The following SGPP2 variants were observed in gnomAD, a reference collection of about 807,000 sequenced individuals.
SGPP2 encodes the protein sphingosine-1-phosphate phosphatase 2.
A neutral mutation model predicts 33.9 loss-of-function variants in SGPP2; 30 were observed. The observed-to-expected ratio is 0.89, with a 90% CI of 0.66 to 1.20. SGPP2 has a LOEUF of 1.20. Among genes scored for constraint, SGPP2 ranks in the 50% most tolerant of loss-of-function variants. SGPP2 has a pLI of 0.00. For missense variants in SGPP2, 458 were observed against 532.1 expected, an observed-to-expected ratio of 0.86 and a Z score of 1.37; for synonymous variants, 233 against 225.0, an observed-to-expected ratio of 1.04 and a Z score of -0.32.
intron 4 of SGPP2, among the ~76,000 whole-genome samples, chr2:222,552,627 G>A (rs1324270823): frequency 3.9e-5 from 6 of 152,118 alleles, no homozygotes; most frequent in Admixed American, 6.5e-5. Flanking sequence ...TTGGGAGGCC[G>A]AGGTGGGCGG....
At chr2:222,450,608 G>A (rs1263436000) in intron 1 of SGPP2, among the ~76,000 whole-genome samples, 4 of 152,170 alleles carry the variant, frequency 2.6e-5, no homozygotes, top group East Asian at 1.9e-4. Flanking sequence ...GGTGTGAATC[G>A]AATTGCTTAC....
At chr2:222,510,299 T>C (rs1173486086) in intron 2 of SGPP2, among the ~76,000 whole-genome samples, 2 of 152,080 alleles carry the variant, frequency 1.3e-5, no homozygotes, top group Non-Finnish European at 1.5e-5. Context: ...ACTGGTAAGC[T>C]GAGAAAAAAA....
intron 1 of SGPP2, among the ~76,000 whole-genome samples, chr2:222,430,420 T>G (rs1697136749): frequency 6.6e-6 from 1 of 152,218 alleles, no homozygotes; most frequent in Admixed American, 6.5e-5. Flanking sequence ...ACCTTAATTT[T>G]CTTAAAGAAC....
chr2:222,449,430 T>G (rs1331678154), intron 1 of SGPP2, among the ~76,000 whole-genome samples: 1 of 151,728 alleles, frequency 6.6e-6, no homozygotes, highest in Non-Finnish European at 1.5e-5. Flanking sequence ...GGAGAACACG[T>G]GCCCCATCCT....
Position 222,493,495 on chromosome 2 carries a change from G to T in SGPP2, c.378+18769G>T, listed in dbSNP as rs532114449. Among the ~76,000 whole-genome samples the T allele has an allele frequency of 8.6e-4, 131 of 152,264 alleles. 2 individuals are homozygous for T. In the South Asian group the frequency reaches 0.012, roughly 14 times the overall value. On this transcript the variant is annotated intron_variant, in intron 2 of 4. Coordinates refer to ENST00000321276, the MANE Select transcript of SGPP2 (RefSeq NM_152386.4). ...GGAATTACCATCCAAGATGAGATTT[G>T]AGTGAGGACAAAGGAGTCAAACCAT...
chr2:222,432,830 T>C (rs1697176868), intron 1 of SGPP2, among the ~76,000 whole-genome samples: 1 of 152,134 alleles, frequency 6.6e-6, no homozygotes, highest in Non-Finnish European at 1.5e-5. Context: ...GAGGCCAGAC[T>C]GACCAACATG....
intron 2 of SGPP2, among the ~76,000 whole-genome samples, chr2:222,487,672 G>A (rs1318164678): frequency 1.3e-5 from 2 of 152,096 alleles, no homozygotes; most frequent in Non-Finnish European, 2.9e-5. Flanking sequence ...TTTTATTAGG[G>A]GCTTTCACAG....
intron 2 of SGPP2, among the ~76,000 whole-genome samples, chr2:222,495,816 GAC>G: frequency 6.6e-6 from 1 of 152,218 alleles, no homozygotes; most frequent in East Asian, 1.9e-4. Context: ...CTGCCACCTT[GAC>G]TTGACCAAAC....
At chr2:222,439,536 A>T (rs1697294022) in intron 1 of SGPP2, among the ~76,000 whole-genome samples, 1 of 152,174 alleles carries the variant, frequency 6.6e-6, no homozygotes. Context: ...CATCTCCAAA[A>T]AAAAAGGAAA....
At position 222,468,121 on chromosome 2, in the gene SGPP2, G is replaced by A. The variant is rs115788015; in HGVS notation, c.220-6447G>A. Among the ~76,000 whole-genome samples the A allele has an allele frequency of 7.8e-3, 1,193 of 152,096 alleles. 23 individuals are homozygous for A. Among genetic ancestry groups the A allele is most frequent in the African/African-American group, 0.027 (1,106 of 41,488 alleles). On this transcript the variant is annotated intron_variant, in intron 1 of 4. Coordinates refer to ENST00000321276, the MANE Select transcript of SGPP2 (RefSeq NM_152386.4). ...TAATTACAGGAAGATGATATCTGGCGTCTGGAAGAGGTTGAGGTCCATGAT... is the reference window on the plus strand; with the variant it reads ...TAATTACAGGAAGATGATATCTGGCATCTGGAAGAGGTTGAGGTCCATGAT...
rs1689467771 is a variant in SGPP2, at chr2:222,558,777, A to T, written c.1079A>T (p.Asn360Ile). The change falls in exon 5 of 5, where the codon AAC becomes ATC. Residue 360 changes from asparagine to isoleucine, a missense_variant. By Grantham distance (149) the Asn-to-Ile change is moderately radical. Transcript: ENST00000321276. ...TCATGGTTCAAGGTGGTCACCAGGA[A>T]CAAGGAGGCCAGGCGGAGACTGGAG... ...LYSWFKVVTR[N>I]KEARRRLEIE... is the part of the protein sequence containing the mutation. 1 of 1,614,196 alleles carries T rather than the reference A, an allele frequency of 6.2e-7. No individual in the cohort carries two copies.
At chr2:222,553,115 G>A (rs1335143125) in intron 4 of SGPP2, among the ~76,000 whole-genome samples, 1 of 152,164 alleles carries the variant, frequency 6.6e-6, no homozygotes, top group African/African-American at 2.4e-5. Context: ...ATAGCAAAAG[G>A]CAATGCAAGA....
rs1689505341 is a variant in SGPP2, at chr2:222,559,858, G to C, written c.*960G>C. 1 of 152,318 alleles carries C rather than the reference G, an allele frequency of 6.6e-6. No individual in the cohort carries two copies. 9.4% of individuals were successfully genotyped at this position (152,318 alleles called of 1,614,324 possible). On this transcript the variant is annotated 3_prime_UTR_variant, in exon 5 of 5. Transcript: ENST00000321276. ...ATGAAAGGTGGAGGCAGAGCTGTGA[G>C]GTCATGGGGAAAAGCCTGCTTTCCT...
At chr2:222,525,490 C>T (rs571431188) in intron 4 of SGPP2, among the ~76,000 whole-genome samples, 3 of 152,302 alleles carry the variant, frequency 2.0e-5, no homozygotes, top group Admixed American at 6.5e-5. Flanking sequence ...CACGGCTTTG[C>T]TTCCTTCCAT....
intron 4 of SGPP2, among the ~76,000 whole-genome samples, chr2:222,552,935 T>C (rs1007991364): frequency 6.6e-6 from 1 of 152,020 alleles, no homozygotes; most frequent in African/African-American, 2.4e-5. Flanking sequence ...AATAAAACAT[T>C]AAAAAAGGAC....
intron 1 of SGPP2, among the ~76,000 whole-genome samples, chr2:222,425,772 T>A (rs1431667937): frequency 6.6e-6 from 1 of 152,178 alleles, no homozygotes; most frequent in Non-Finnish European, 1.5e-5. Context: ...AAGGTTTTGG[T>A]GAAAGAAAGG....
In SGPP2 at chr2:222,481,967, A is replaced by G. The variant is rs536597022; in HGVS notation, c.378+7241A>G. Among the ~76,000 whole-genome samples, 4 of 152,306 alleles carry G rather than the reference A, an allele frequency of 2.6e-5. No homozygotes were observed. The South Asian group carries it at 8.3e-4, about 32-fold the overall frequency. ...ATTATGGCTTTTCTGATTATGCTGA[A>G]GCTCTGGTTGTCCCTGAGAGTTTCC... On this transcript the variant is annotated intron_variant, in intron 2 of 4. Coordinates refer to ENST00000321276, the MANE Select transcript of SGPP2 (RefSeq NM_152386.4).
chr2:222,453,260 C>T (rs1190097264), intron 1 of SGPP2: 16 of 758,702 alleles, frequency 2.1e-5, no homozygotes, highest in Non-Finnish European at 3.7e-5. Flanking sequence ...TGCTTTGAAG[C>T]CAGGCAGGTT....
intron 2 of SGPP2, among the ~76,000 whole-genome samples, chr2:222,491,077 G>A (rs551660883): frequency 6.6e-6 from 1 of 152,112 alleles, no homozygotes; most frequent in South Asian, 2.1e-4. Flanking sequence ...TTCACCCCTA[G>A]GAACCATGAG....
Sources: gnomAD v4.1 joint callset for allele counts (sites outside exome capture counted in the v4.1 genomes callset) on GRCh38, gnomAD v4.1.1 for gene constraint, MANE v1.5 for transcripts, NCBI Gene and HGNC (gene_info 2026-07-23, HGNC 2026-07-21) for gene names.